NRG3: variants seen among roughly 807,000 people sequenced by gnomAD.
NRG3 encodes pro-neuregulin-3, membrane-bound isoform.
NRG3 carries 31 observed loss-of-function variants against 66.9 expected under a neutral mutation model. The observed-to-expected ratio is 0.46, with a 90% CI of 0.35 to 0.63. NRG3 has a LOEUF of 0.63. NRG3 is among the 20% of genes least tolerant of loss of function. The pLI is 0.00. For missense variants in NRG3, 910 were observed against 878.9 expected, an observed-to-expected ratio of 1.04 and a Z score of -0.45; for synonymous variants, 393 against 359.4, an observed-to-expected ratio of 1.09 and a Z score of -1.06.
intron 1 of NRG3, among the ~76,000 whole-genome samples, chr10:82,253,889 C>A (rs772002466): frequency 2.0e-5 from 3 of 152,194 alleles, no homozygotes; most frequent in Non-Finnish European, 2.9e-5. Context: ...ATTTTAGTTT[C>A]TTGAACATGC....
Position 82,437,517 on chromosome 10 carries a change from A to G in NRG3, c.953+78649A>G, listed in dbSNP as rs113597654. On this transcript the variant is annotated intron_variant, in intron 2 of 8. Transcript: ENST00000372141. Reference sequence around the variant, plus strand: ...AGCTCATCATAGTTTTTTACTACCCATCTTCTAAAGCCTACTTCTGTCAAT... The same window carrying G: ...AGCTCATCATAGTTTTTTACTACCCGTCTTCTAAAGCCTACTTCTGTCAAT... 5.6e-3 allele frequency among the ~76,000 whole-genome samples: 851 copies of G among 152,044 alleles called. 9 individuals carry two copies. The highest frequency in any genetic ancestry group is 0.016 in the African/African-American group (668 of 41,472).
At chr10:82,534,857 T>A (rs903611429) in intron 2 of NRG3, among the ~76,000 whole-genome samples, 5 of 151,938 alleles carry the variant, frequency 3.3e-5, no homozygotes, top group African/African-American at 1.2e-4. Flanking sequence ...ATCATTAATT[T>A]ATTCACTCAA....
chr10:81,958,387 T>C (rs1361648027), intron 1 of NRG3, among the ~76,000 whole-genome samples: 2 of 152,194 alleles, frequency 1.3e-5, no homozygotes, highest in Non-Finnish European at 1.5e-5. Flanking sequence ...ATAAGAGAGT[T>C]ATATTGTAAT....
chr10:82,923,761 A>G (rs1371689243), intron 4 of NRG3, among the ~76,000 whole-genome samples: 3 of 152,096 alleles, frequency 2.0e-5, no homozygotes. Context: ...ATCGTGGAAC[A>G]TTAAGATCTC....
intron 3 of NRG3, among the ~76,000 whole-genome samples, chr10:82,854,523 T>C (rs2063714248): frequency 6.6e-6 from 1 of 152,212 alleles, no homozygotes; most frequent in Admixed American, 6.5e-5. Context: ...AGATACCTTC[T>C]GCATTTGAAG....
intron 2 of NRG3, among the ~76,000 whole-genome samples, chr10:82,528,208 A>G (rs1846909944): frequency 1.3e-5 from 2 of 152,208 alleles, no homozygotes; most frequent in African/African-American, 4.8e-5. Flanking sequence ...CAGGCTTCAC[A>G]TATAGGTGCA....
chr10:82,170,675 T>TATAC (rs2072523978), intron 1 of NRG3, among the ~76,000 whole-genome samples: 1 of 112,394 alleles, frequency 8.9e-6, no homozygotes, highest in Non-Finnish European at 1.8e-5. Flanking sequence ...TATATATATA[T>TATAC]ATATATATAT....
intron 1 of NRG3, among the ~76,000 whole-genome samples, chr10:82,103,351 A>G (rs1370027069): frequency 6.6e-6 from 1 of 152,198 alleles, no homozygotes; most frequent in Admixed American, 6.6e-5. Flanking sequence ...AGTTCTGAAC[A>G]TATTGTGACA....
intron 1 of NRG3, among the ~76,000 whole-genome samples, chr10:82,259,071 A>C (rs2134181161): frequency 6.6e-6 from 1 of 152,212 alleles, no homozygotes; most frequent in South Asian, 2.1e-4. Flanking sequence ...CAGAGCTCAG[A>C]CCTATTCTGT....
intron 1 of NRG3, among the ~76,000 whole-genome samples, chr10:82,027,484 C>T (rs373131613): frequency 3.9e-5 from 6 of 152,002 alleles, no homozygotes; most frequent in African/African-American, 1.4e-4. Context: ...TAACTGAACT[C>T]GTCTTCAAAA....
rs541890768 is a variant in NRG3 at position 82,639,380 on chromosome 10, A to G, written c.954-99197A>G. 4.2e-3 allele frequency among the ~76,000 whole-genome samples: 640 copies of G among 152,262 alleles called. 4 individuals carry two copies. Among genetic ancestry groups the G allele is most frequent in the South Asian group, 7.0e-3 (34 of 4,830 alleles). ...TGACCTAATCACTTCCCAAGGCTCC[A>G]CCTTTTAATACCACCACCTGGGGAT... On this transcript the variant is annotated intron_variant, in intron 2 of 8. Coordinates refer to ENST00000372141, the MANE Select transcript of NRG3 (RefSeq NM_001010848.4).
intron 1 of NRG3, among the ~76,000 whole-genome samples, chr10:81,913,024 T>C (rs4933810): frequency 0.45 from 67,999 of 152,076 alleles, 18,735 homozygotes; most frequent in East Asian, 0.81. Flanking sequence ...GTCCCCTAGT[T>C]TTAATTTCCA....
chr10:82,549,885 C>T (rs576607342), intron 2 of NRG3, among the ~76,000 whole-genome samples: 13 of 152,120 alleles, frequency 8.5e-5, no homozygotes, highest in East Asian at 3.9e-4. Context: ...GATCCAATAC[C>T]GGTCACCATT....
intron 2 of NRG3, among the ~76,000 whole-genome samples, chr10:82,486,405 C>T (rs7475323): frequency 0.53 from 80,585 of 151,696 alleles, 25,002 homozygotes; most frequent in South Asian, 0.75. Flanking sequence ...AATTGTTGCT[C>T]ATGCCTATAA....
intron 1 of NRG3, among the ~76,000 whole-genome samples, chr10:82,012,834 G>T (rs936509596): frequency 3.3e-5 from 5 of 152,140 alleles, no homozygotes; most frequent in Non-Finnish European, 7.3e-5. Context: ...CTTCATCTGA[G>T]ACCACCTCAA....
chr10:82,785,182 C>T (rs1444799318), intron 3 of NRG3, among the ~76,000 whole-genome samples: 1 of 142,978 alleles, frequency 7.0e-6, no homozygotes, highest in Non-Finnish European at 1.5e-5. Flanking sequence ...GGAAGGGGAA[C>T]ATCACACTCT....
chr10:82,546,973 G>A (rs2043957571), intron 2 of NRG3, among the ~76,000 whole-genome samples: 1 of 152,030 alleles, frequency 6.6e-6, no homozygotes, highest in African/African-American at 2.4e-5. Flanking sequence ...TAGAGAAGGA[G>A]GGAAGAAGAC....
At chr10:82,980,881 T>C (rs1852806016) in intron 8 of NRG3, among the ~76,000 whole-genome samples, 1 of 152,226 alleles carries the variant, frequency 6.6e-6, no homozygotes, top group Non-Finnish European at 1.5e-5. Flanking sequence ...ATAATTATAA[T>C]TGATCATGTT....
At chr10:82,031,633 C>T (rs1432277653) in intron 1 of NRG3, among the ~76,000 whole-genome samples, 2 of 151,986 alleles carry the variant, frequency 1.3e-5, no homozygotes, top group Non-Finnish European at 2.9e-5. Context: ...TAATGCCTGC[C>T]ACATATGTAA....
Sources: gnomAD v4.1 joint callset for allele counts (sites outside exome capture counted in the v4.1 genomes callset) on GRCh38, gnomAD v4.1.1 for gene constraint, MANE v1.5 for transcripts, NCBI Gene and HGNC (gene_info 2026-07-23, HGNC 2026-07-21) for gene names.